CADPS: variants seen among roughly 807,000 people sequenced by gnomAD.
CADPS encodes calcium dependent secretion activator.
Under a neutral mutation model 167.3 loss-of-function variants are expected in CADPS, and 57 were observed. The ratio of observed to expected loss-of-function variants is 0.34; its 90% CI spans 0.28 to 0.42. CADPS has a LOEUF of 0.42. CADPS is among the 20% of genes least tolerant of loss of function. The probability of loss-of-function intolerance (pLI) is 1.00; values close to 1 mark genes in which losing one functional copy is unlikely to be tolerated. For synonymous variants in CADPS, 676 were observed against 635.3 expected, an observed-to-expected ratio of 1.06 and a Z score of -0.96; for missense variants, 1,414 against 1,738.1, an observed-to-expected ratio of 0.81 and a Z score of 3.32.
Position 62,852,095 on chromosome 3 carries a change from G to A in CADPS, c.441+22494C>T, listed in dbSNP as rs868532266. 2.7e-4 allele frequency among the ~76,000 whole-genome samples: 40 copies of A among 146,732 alleles called. 2 individuals carry two copies. In the South Asian group the frequency reaches 4.7e-3, roughly 17 times the overall value. On this transcript the variant is annotated intron_variant, in intron 1 of 29. Coordinates refer to ENST00000383710, the MANE Select transcript of CADPS (RefSeq NM_003716.4). ...CTCCTGAGGCTTCTGCATTCTTCAC[G>A]TAGTTCTCGAGCCTTGGTTTTCAGC...
At chr3:62,777,669 T>C (rs759381749) in intron 1 of CADPS, among the ~76,000 whole-genome samples, 51 of 152,162 alleles carry the variant, frequency 3.4e-4, no homozygotes, top group Non-Finnish European at 5.7e-4. Flanking sequence ...GGAACTCTTC[T>C]GTATTTTCTG....
intron 13 of CADPS, among the ~76,000 whole-genome samples, chr3:62,520,640 A>T (rs1014624811): frequency 1.3e-5 from 2 of 152,228 alleles, no homozygotes. Context: ...GAGTTCACCA[A>T]TAAAAACAGG....
At position 62,403,258 on chromosome 3, in the gene CADPS, T is replaced by C. The variant is rs542983591; in HGVS notation, c.3778-73A>G. On this transcript the variant is annotated intron_variant, in intron 28 of 29. Transcript: ENST00000383710. ...TATAGGGCAGAGAGAGAGCAGGCAA[T>C]GTTTGAGTACCCCACTCTGTTCCAG... The C allele has an allele frequency of 3.1e-6, 3 of 963,870 alleles. No homozygotes were observed. The African/African-American group carries it at 4.8e-5, about 16-fold the overall frequency. The allele number at this position is 963,870 out of a possible 1,614,324, so 59.7% of individuals were successfully genotyped here.
intron 23 of CADPS, chr3:62,477,995 A>G: frequency 2.4e-6 from 1 of 424,168 alleles, no homozygotes; most frequent in Non-Finnish European, 4.3e-6. Context: ...CAGGGATACA[A>G]AAAAGAATGG....
chr3:62,663,638 C>T (rs1346922029), intron 3 of CADPS, among the ~76,000 whole-genome samples: 1 of 146,530 alleles, frequency 6.8e-6, no homozygotes, highest in Non-Finnish European at 1.5e-5. Context: ...AAAAGATTCT[C>T]ACCTATGCTG....
intron 1 of CADPS, among the ~76,000 whole-genome samples, chr3:62,800,455 AT>A (rs1190185986): frequency 1.3e-5 from 2 of 152,158 alleles, no homozygotes; most frequent in African/African-American, 4.8e-5. Context: ...TGACTAATTT[AT>A]TATATGCTTT....
intron 6 of CADPS, among the ~76,000 whole-genome samples, chr3:62,610,080 C>T (rs1355744612): frequency 6.6e-6 from 1 of 151,724 alleles, no homozygotes; most frequent in Admixed American, 6.6e-5. Flanking sequence ...CAGAGTGAGA[C>T]CCTTTCTGGA....
chr3:62,728,370 A>C (rs2077139995), intron 3 of CADPS, among the ~76,000 whole-genome samples: 1 of 151,744 alleles, frequency 6.6e-6, no homozygotes, highest in African/African-American at 2.4e-5. Context: ...TTACAACCTA[A>C]TTAGGAAAAT....
At chr3:62,758,141 CT>C (rs1051460662) in intron 2 of CADPS, among the ~76,000 whole-genome samples, 1 of 152,198 alleles carries the variant, frequency 6.6e-6, no homozygotes, top group Non-Finnish European at 1.5e-5. Flanking sequence ...ATAAATACTT[CT>C]GAATTACCAG....
intron 1 of CADPS, among the ~76,000 whole-genome samples, chr3:62,776,563 A>G (rs1490444013): frequency 2.6e-5 from 4 of 152,190 alleles, no homozygotes; most frequent in African/African-American, 7.2e-5. Context: ...CTGAGGCAGG[A>G]GAATGGCGTG....
At chr3:62,805,769 T>C (rs1258966176) in intron 1 of CADPS, among the ~76,000 whole-genome samples, 1 of 152,150 alleles carries the variant, frequency 6.6e-6, no homozygotes, top group Non-Finnish European at 1.5e-5. Flanking sequence ...GCTTTTCTGT[T>C]GAGCTCAGCT....
chr3:62,509,695 A>T (rs978397863), intron 17 of CADPS, among the ~76,000 whole-genome samples: 3 of 152,176 alleles, frequency 2.0e-5, no homozygotes, highest in Middle Eastern at 3.2e-3. Flanking sequence ...GCCCTCGGGA[A>T]GAATTTACAA....
chr3:62,864,766 G>GA (rs1303527945), intron 1 of CADPS, among the ~76,000 whole-genome samples: 1 of 151,994 alleles, frequency 6.6e-6, no homozygotes, highest in African/African-American at 2.4e-5. Context: ...AATTTGGGGG[G>GA]AACATAATAA....
At chr3:62,642,970 TCAAAA>T (rs923619057) in intron 6 of CADPS, among the ~76,000 whole-genome samples, 142 of 141,478 alleles carry the variant, frequency 1.0e-3, no homozygotes, top group African/African-American at 3.1e-3. Context: ...AACCCAAACC[TCAAAA>T]CAAAACAAAA....
chr3:62,612,615 A>G (rs922276209), intron 6 of CADPS, among the ~76,000 whole-genome samples: 45 of 152,212 alleles, frequency 3.0e-4, no homozygotes, highest in Non-Finnish European at 6.5e-4. Flanking sequence ...AGTTATGTCT[A>G]TAATGGAGAT....
At chr3:62,729,876 G>A (rs1486739453) in intron 3 of CADPS, among the ~76,000 whole-genome samples, 2 of 151,798 alleles carry the variant, frequency 1.3e-5, no homozygotes, top group Admixed American at 1.3e-4. Context: ...CTGGGCATGT[G>A]GTAAGGCTAT....
At chr3:62,755,682 C>T (rs1392357842) in intron 2 of CADPS, among the ~76,000 whole-genome samples, 7 of 152,150 alleles carry the variant, frequency 4.6e-5, no homozygotes, top group Non-Finnish European at 1.5e-5. Flanking sequence ...GGGTTTGCCT[C>T]ACAGGGTAGA....
intron 3 of CADPS, among the ~76,000 whole-genome samples, chr3:62,712,657 T>C (rs1008618645): frequency 6.6e-6 from 1 of 152,238 alleles, no homozygotes; most frequent in African/African-American, 2.4e-5. Flanking sequence ...ATATAAAATA[T>C]GAGCAGCCAA....
chr3:62,679,929 A>G (rs952475025), intron 3 of CADPS, among the ~76,000 whole-genome samples: 7 of 152,050 alleles, frequency 4.6e-5, no homozygotes, highest in Non-Finnish European at 8.8e-5. Context: ...CCTCCACTGG[A>G]TGCAGAATCA....
Sources: allele counts gnomAD v4.1 joint callset (sites outside exome capture counted in the v4.1 genomes callset), GRCh38; gene constraint gnomAD v4.1.1; transcripts MANE v1.5; gene names NCBI Gene and HGNC (gene_info 2026-07-23, HGNC 2026-07-21).